Variants in PARVA observed in about 807,000 individuals in gnomAD.
The protein encoded by PARVA is parvin alpha, also known as alpha-parvin.
In PARVA, 25 loss-of-function variants were observed where a neutral mutation model predicts 52.6. The ratio of observed to expected loss-of-function variants is 0.48; its 90% CI spans 0.35 to 0.66. The LOEUF (loss-of-function observed/expected upper bound fraction) is 0.66. PARVA is among the 30% of genes least tolerant of loss of function. PARVA has a pLI of 0.01. For synonymous variants in PARVA, 185 were observed against 179.1 expected, an observed-to-expected ratio of 1.03 and a Z score of -0.26; for missense variants, 373 against 450.9, an observed-to-expected ratio of 0.83 and a Z score of 1.56.
intron 1 of PARVA, among the ~76,000 whole-genome samples, chr11:12,389,034 TTATCAGAGGGATCTGAGTG>T: frequency 6.6e-6 from 1 of 152,142 alleles, no homozygotes; most frequent in Non-Finnish European, 1.5e-5. Context: ...CCATTAATCA[TTATCAGAGGGATCTGAGTG>T]ATCCCTCTGA....
intron 5 of PARVA, among the ~76,000 whole-genome samples, chr11:12,500,943 TACTAAAAGC>T (rs1207241332): frequency 6.6e-6 from 1 of 151,646 alleles, no homozygotes; most frequent in Non-Finnish European, 1.5e-5. Context: ...ACTCCCTCTT[TACTAAAAGC>T]ACAAAAATTG....
intron 1 of PARVA, 57 bp downstream of exon 1, chr11:12,377,840 C>G (rs576504029): frequency 2.2e-6 from 3 of 1,368,544 alleles, no homozygotes; most frequent in Admixed American, 3.4e-5. Context: ...CCGTAGGGGC[C>G]GAGGGGCCGG....
intron 12 of PARVA, among the ~76,000 whole-genome samples, chr11:12,523,394 T>C (rs1424718102): frequency 6.6e-6 from 1 of 152,122 alleles, no homozygotes; most frequent in Non-Finnish European, 1.5e-5. Flanking sequence ...GTCAAGGGGT[T>C]CAGAGACCGT....
chr11:12,508,837 G>C (rs1176795459), intron 7 of PARVA, among the ~76,000 whole-genome samples, 195 bp downstream of exon 7: 1 of 152,102 alleles, frequency 6.6e-6, no homozygotes, highest in Non-Finnish European at 1.5e-5. Context: ...AACTTGGGTG[G>C]GGAAGTAGGG....
intron 1 of PARVA, among the ~76,000 whole-genome samples, chr11:12,466,185 G>A (rs1420264246): frequency 3.3e-5 from 5 of 152,112 alleles, no homozygotes; most frequent in Non-Finnish European, 5.9e-5. Flanking sequence ...TTTTGTAGTT[G>A]AGTCAGACTT....
chr11:12,431,357 C>A (rs1030952927), intron 1 of PARVA, among the ~76,000 whole-genome samples: 2 of 152,242 alleles, frequency 1.3e-5, no homozygotes, highest in Non-Finnish European at 2.9e-5. Context: ...CCACTTAACA[C>A]CCTGTGCATT....
At chr11:12,396,511 C>T (rs1273743800) in intron 1 of PARVA, among the ~76,000 whole-genome samples, 3 of 152,188 alleles carry the variant, frequency 2.0e-5, no homozygotes, top group African/African-American at 7.2e-5. Flanking sequence ...TCTCTGAGCT[C>T]CAGTCTCCTC....
At chr11:12,397,127 T>A (rs1331402893) in intron 1 of PARVA, among the ~76,000 whole-genome samples, 2 of 152,248 alleles carry the variant, frequency 1.3e-5, no homozygotes, top group Non-Finnish European at 2.9e-5. Flanking sequence ...ATTGCTTGGA[T>A]GTGCCACTCA....
intron 1 of PARVA, among the ~76,000 whole-genome samples, chr11:12,397,711 C>T (rs970642830): frequency 5.3e-5 from 8 of 152,128 alleles, no homozygotes; most frequent in African/African-American, 1.9e-4. Flanking sequence ...CTCCTAGCTT[C>T]AGCATGTTGG....
rs749372701 is a variant in PARVA, at chr11:12,473,705, C to T, written c.137-40C>T. The T allele has an allele frequency of 4.6e-5, 68 of 1,462,966 alleles. No homozygotes were observed. In the African/African-American group the frequency reaches 5.8e-4, roughly 12 times the overall value. 90.6% of individuals were successfully genotyped at this position (1,462,966 alleles called of 1,614,324 possible). ...TACAGAGCTCCAACCCCCTGCCGTC[C>T]GTCAGCTGAAATGTGACCCTGCTCT... is the stretch of plus-strand genomic sequence containing the variant. On this transcript the variant is annotated intron_variant, in intron 1 of 12. Transcript: ENST00000334956.
At chr11:12,446,791 G>C (rs938789932) in intron 1 of PARVA, among the ~76,000 whole-genome samples, 9 of 152,304 alleles carry the variant, frequency 5.9e-5, no homozygotes, top group Admixed American at 5.2e-4. Context: ...TGTGGTAAAA[G>C]TGTATTCTGT....
At chr11:12,519,920 G>A (rs1037282287) in intron 12 of PARVA, among the ~76,000 whole-genome samples, 1 of 152,166 alleles carries the variant, frequency 6.6e-6, no homozygotes, top group African/African-American at 2.4e-5. Flanking sequence ...GACTCTTCTT[G>A]TTCTGTGGGC....
At chr11:12,387,092 T>TA (rs1161510922) in intron 1 of PARVA, among the ~76,000 whole-genome samples, 3 of 152,262 alleles carry the variant, frequency 2.0e-5, no homozygotes, top group African/African-American at 4.8e-5. Flanking sequence ...TGTAAGCATC[T>TA]AAAATCTCCA....
intron 1 of PARVA, among the ~76,000 whole-genome samples, chr11:12,379,170 C>T (rs1249959948): frequency 6.6e-6 from 1 of 152,164 alleles, no homozygotes; most frequent in Non-Finnish European, 1.5e-5. Context: ...CTCTTGTCGC[C>T]ATTTTGGTTT....
At chr11:12,498,137 G>A (rs748126237) in intron 5 of PARVA, among the ~76,000 whole-genome samples, 2 of 152,046 alleles carry the variant, frequency 1.3e-5, no homozygotes, top group African/African-American at 4.8e-5. Context: ...AGGTTCAAGC[G>A]ATTCTCATGC....
Position 12,534,454 on chromosome 11 carries a change from G to A in PARVA, c.*6529G>A, listed in dbSNP as rs1047180861. 6.6e-6 allele frequency among the ~76,000 whole-genome samples: 1 copy of A among 152,106 alleles called. No individual in the cohort carries two copies. On this transcript the variant is annotated 3_prime_UTR_variant, in exon 13 of 13. Transcript: ENST00000334956. ...AACTTTCTACACACATGTGGGCACT[G>A]GCTTTGATACTGGCATTTGGAAGGG... is the stretch of plus-strand genomic sequence containing the variant.
At chr11:12,403,341 A>C (rs1249902563) in intron 1 of PARVA, among the ~76,000 whole-genome samples, 1 of 152,212 alleles carries the variant, frequency 6.6e-6, no homozygotes, top group East Asian at 1.9e-4. Context: ...AGCAACAGGT[A>C]CCCTGATTAG....
chr11:12,423,328 G>A (rs914877128), intron 1 of PARVA, among the ~76,000 whole-genome samples: 22 of 148,860 alleles, frequency 1.5e-4, no homozygotes, highest in Non-Finnish European at 1.9e-4. Flanking sequence ...ACAGGCGTGC[G>A]CCACCATGCG....
At chr11:12,377,393 C>T, upstream of PARVA, 1 of 1,358,382 alleles carries the variant, frequency 7.4e-7, no homozygotes, top group Non-Finnish European at 9.4e-7. Context: ...TTTGGGGCAT[C>T]CTCCCTGCTT....
Sources: allele counts gnomAD v4.1 joint callset (sites outside exome capture counted in the v4.1 genomes callset), GRCh38; gene constraint gnomAD v4.1.1; transcripts MANE v1.5; gene names NCBI Gene and HGNC (gene_info 2026-07-23, HGNC 2026-07-21).